The following NCAM2 variants were observed in gnomAD, a reference collection of about 807,000 sequenced individuals.
NCAM2 encodes neural cell adhesion molecule 2, also known as N-CAM-2.
NCAM2 carries 30 observed loss-of-function variants against 98.1 expected under a neutral mutation model. That is an observed-to-expected ratio of 0.31 (90% CI 0.23 to 0.41). The LOEUF is 0.41. Ranked by LOEUF, NCAM2 falls within the 10% of genes least tolerant of loss-of-function variation. NCAM2 has a pLI of 1.00. For synonymous variants in NCAM2, 368 were observed against 342.4 expected, an observed-to-expected ratio of 1.07 and a Z score of -0.83; for missense variants, 867 against 1,005.8, an observed-to-expected ratio of 0.86 and a Z score of 1.87.
chr21:21,175,630 A>G (rs927110795), intron 1 of NCAM2, among the ~76,000 whole-genome samples: 2 of 152,228 alleles, frequency 1.3e-5, no homozygotes, highest in African/African-American at 4.8e-5. Context: ...ATTAGTGAGG[A>G]GGGCATGTAG....
intron 1 of NCAM2, among the ~76,000 whole-genome samples, chr21:21,228,992 T>C (rs1033950713): frequency 2.0e-5 from 3 of 151,520 alleles, no homozygotes; most frequent in East Asian, 3.9e-4. Context: ...TGTATAAACA[T>C]ATGATTTAAG....
intron 1 of NCAM2, among the ~76,000 whole-genome samples, chr21:21,111,216 C>G (rs534742490): frequency 1.3e-5 from 2 of 152,004 alleles, no homozygotes; most frequent in Non-Finnish European, 2.9e-5. Context: ...ATCACAGTAG[C>G]CATATTGTAA....
At chr21:21,522,933 T>C (rs1158704140) in intron 16 of NCAM2, among the ~76,000 whole-genome samples, 1 of 152,160 alleles carries the variant, frequency 6.6e-6, no homozygotes, top group African/African-American at 2.4e-5. Context: ...CCTGAACAAG[T>C]TCTTCAGAGC....
intron 1 of NCAM2, among the ~76,000 whole-genome samples, chr21:21,053,795 G>A: frequency 6.6e-6 from 1 of 150,582 alleles, no homozygotes; most frequent in Admixed American, 6.6e-5. Context: ...ATTTTTCTTG[G>A]TTTATATTGT....
intron 12 of NCAM2, among the ~76,000 whole-genome samples, chr21:21,446,031 T>G (rs1980081473): frequency 6.6e-6 from 1 of 152,190 alleles, no homozygotes; most frequent in South Asian, 2.1e-4. Flanking sequence ...GGCCTGGTGG[T>G]GACAAAATCC....
chr21:21,109,575 T>C (rs2066414756), intron 1 of NCAM2, among the ~76,000 whole-genome samples: 1 of 152,188 alleles, frequency 6.6e-6, no homozygotes, highest in Admixed American at 6.5e-5. Context: ...TAAATGTTCA[T>C]TAAAGTTCAG....
At chr21:21,320,732 T>C (rs1407908771) in intron 5 of NCAM2, among the ~76,000 whole-genome samples, 1 of 152,192 alleles carries the variant, frequency 6.6e-6, no homozygotes, top group Admixed American at 6.5e-5. Context: ...ATTAAAATAC[T>C]AGTCATTCTT....
At chr21:21,211,875 C>T (rs2069672735) in intron 1 of NCAM2, among the ~76,000 whole-genome samples, 1 of 152,122 alleles carries the variant, frequency 6.6e-6, no homozygotes, top group African/African-American at 2.4e-5. Flanking sequence ...CTTGTCAAGT[C>T]CTGTTAACCC....
chr21:21,495,827 T>G (rs1435985821), intron 15 of NCAM2, among the ~76,000 whole-genome samples: 5 of 151,966 alleles, frequency 3.3e-5, no homozygotes, highest in African/African-American at 1.2e-4. Context: ...TTTTCTTTAT[T>G]ATGTTTCCTT....
intron 1 of NCAM2, chr21:21,210,542 G>A (rs772514161): frequency 4.1e-5 from 53 of 1,287,170 alleles, no homozygotes; most frequent in Non-Finnish European, 5.4e-5. Flanking sequence ...TTCTTTCAGA[G>A]TTATTTGAAG....
At chr21:21,394,554 T>A (rs11702491) in intron 9 of NCAM2, among the ~76,000 whole-genome samples, 12,989 of 135,350 alleles carry the variant, frequency 0.096, 732 homozygotes, top group East Asian at 0.32. Context: ...AGTGGTGCAA[T>A]CTTGGCTCAC....
chr21:21,180,226 A>G (rs1326281975), intron 1 of NCAM2, among the ~76,000 whole-genome samples: 1 of 152,196 alleles, frequency 6.6e-6, no homozygotes, highest in East Asian at 1.9e-4. Context: ...CATTTTTCCA[A>G]TAAAACAATT....
At chr21:21,231,223 A>G (rs997472101) in intron 1 of NCAM2, among the ~76,000 whole-genome samples, 5 of 151,322 alleles carry the variant, frequency 3.3e-5, no homozygotes, top group East Asian at 1.9e-4. Context: ...CAGTAAATTT[A>G]GCAGAATTTT....
chr21:21,154,684 TAG>T (rs979408924), intron 1 of NCAM2, among the ~76,000 whole-genome samples: 2 of 151,878 alleles, frequency 1.3e-5, no homozygotes, highest in Admixed American at 1.3e-4. Context: ...ACATTAAAAA[TAG>T]AGTCTGCCCA....
chr21:21,221,007 C>G (rs537864418), intron 1 of NCAM2, among the ~76,000 whole-genome samples: 2 of 151,958 alleles, frequency 1.3e-5, no homozygotes, highest in Admixed American at 6.5e-5. Flanking sequence ...CCTCATGTCT[C>G]TGTGTCATGT....
chr21:21,102,642 A>C (rs2066267843), intron 1 of NCAM2, among the ~76,000 whole-genome samples: 1 of 141,526 alleles, frequency 7.1e-6, no homozygotes, highest in African/African-American at 2.6e-5. Context: ...AAAGAAAGGA[A>C]AATACTTGAG....
chr21:21,137,768 T>C (rs1426149394), intron 1 of NCAM2, among the ~76,000 whole-genome samples: 1 of 152,076 alleles, frequency 6.6e-6, no homozygotes, highest in Non-Finnish European at 1.5e-5. Context: ...AAAAAAATGT[T>C]GAAAGTGTAA....
intron 16 of NCAM2, among the ~76,000 whole-genome samples, chr21:21,518,839 G>A: frequency 6.6e-6 from 1 of 152,070 alleles, no homozygotes; most frequent in East Asian, 1.9e-4. Flanking sequence ...TATTGTGGAA[G>A]ATGGCAGTTA....
intron 12 of NCAM2, among the ~76,000 whole-genome samples, chr21:21,457,692 A>G (rs914107439): frequency 4.6e-5 from 7 of 152,022 alleles, no homozygotes; most frequent in African/African-American, 1.4e-4. Flanking sequence ...TTAGTATGCT[A>G]GTGTTTTTGG....
Sources: allele counts gnomAD v4.1 joint callset (sites outside exome capture counted in the v4.1 genomes callset), GRCh38; gene constraint gnomAD v4.1.1; transcripts MANE v1.5; gene names NCBI Gene and HGNC (gene_info 2026-07-23, HGNC 2026-07-21).